PIK3CB: variants seen among roughly 807,000 people sequenced by gnomAD.
PIK3CB encodes the protein phosphatidylinositol-4,5-bisphosphate 3-kinase catalytic subunit beta.
Under a neutral mutation model 136.8 loss-of-function variants are expected in PIK3CB, and 39 were observed. The observed-to-expected ratio is 0.29, with a 90% CI of 0.22 to 0.37. PIK3CB has a LOEUF of 0.37. Ranked by LOEUF, PIK3CB falls within the 10% of genes least tolerant of loss-of-function variation. PIK3CB has a pLI of 1.00. For synonymous variants in PIK3CB, 428 were observed against 436.6 expected (o/e 0.98, Z 0.25); for missense variants, 868 against 1,275.4 (o/e 0.68, Z 4.87).
At chr3:138,752,305 T>C (rs768083292) in intron 4 of PIK3CB, among the ~76,000 whole-genome samples, 2 of 152,246 alleles carry the variant, frequency 1.3e-5, no homozygotes, top group East Asian at 1.9e-4. Flanking sequence ...AAAGGTTCTA[T>C]TGTTTTCTTT....
In PIK3CB at chr3:138,763,193, T is replaced by C. The variant is rs1398830924; in HGVS notation, c.-16-3834A>G. 3.3e-5 allele frequency among the ~76,000 whole-genome samples: 5 copies of C among 150,518 alleles called. No homozygotes were observed. The Admixed American group carries it at 3.3e-4, about 10-fold the overall frequency. ...TCATTCTGTCACCCAGGCTGGAGTG[T>C]AGTGGCATGATCTCAGCTCACTGCA... On this transcript the variant is annotated intron_variant, in intron 2 of 23. Transcript: ENST00000674063.
intron 12 of PIK3CB, among the ~76,000 whole-genome samples, chr3:138,701,267 G>C (rs568448342): frequency 2.0e-5 from 3 of 150,970 alleles, no homozygotes; most frequent in Non-Finnish European, 2.9e-5. Flanking sequence ...GAACTGTTTC[G>C]GACTGAAGGA....
chr3:138,771,323 T>C (rs904837751), intron 2 of PIK3CB, among the ~76,000 whole-genome samples: 4 of 150,200 alleles, frequency 2.7e-5, no homozygotes. Context: ...CCCGGGATCA[T>C]GCCATTCTCC....
chr3:138,823,047 C>T (rs1414310345), intron 1 of PIK3CB, among the ~76,000 whole-genome samples: 1 of 150,474 alleles, frequency 6.6e-6, no homozygotes, highest in African/African-American at 2.4e-5. Context: ...TGCAGAAAAA[C>T]GTTTTAGTTA....
intron 2 of PIK3CB, among the ~76,000 whole-genome samples, chr3:138,780,523 C>G (rs1181978795): frequency 6.6e-6 from 1 of 152,150 alleles, no homozygotes; most frequent in African/African-American, 2.4e-5. Context: ...CCCACCTTGG[C>G]CTCCCAAAGT....
chr3:138,775,690 TGGGA>T (rs2045850013), intron 2 of PIK3CB, among the ~76,000 whole-genome samples: 1 of 152,146 alleles, frequency 6.6e-6, no homozygotes, highest in Admixed American at 6.6e-5. Context: ...CTGTGCATAA[TGGGA>T]TGAGTACTGG....
At chr3:138,732,017 A>G (rs957354293) in intron 8 of PIK3CB, among the ~76,000 whole-genome samples, 2 of 152,114 alleles carry the variant, frequency 1.3e-5, no homozygotes, top group Non-Finnish European at 2.9e-5. Context: ...TGAGGATATA[A>G]AAGCAAAGCC....
At chr3:138,693,937 ATATATATATATATATATATATATATATAT>A (rs752169030) in intron 14 of PIK3CB, among the ~76,000 whole-genome samples, 6,763 of 27,856 alleles carry the variant, frequency 0.24, 485 homozygotes, top group East Asian at 0.51. Context: ...TTTGCTTAAA[ATATATATATATATATATATATATATATAT>A]TATATATATA....
At chr3:138,784,628 G>T (rs535165397) in intron 2 of PIK3CB, among the ~76,000 whole-genome samples, 1 of 152,110 alleles carries the variant, frequency 6.6e-6, no homozygotes, top group Non-Finnish European at 1.5e-5. Flanking sequence ...ACGGGGTTTC[G>T]CCCTGTTGGC....
At chr3:138,817,747 G>A (rs1933397606) in intron 1 of PIK3CB, among the ~76,000 whole-genome samples, 1 of 152,126 alleles carries the variant, frequency 6.6e-6, no homozygotes, top group African/African-American at 2.4e-5. Flanking sequence ...GGGCCAGAAT[G>A]TATAGGAAGT....
intron 19 of PIK3CB, among the ~76,000 whole-genome samples, chr3:138,669,128 T>G (rs975509432): frequency 2.0e-5 from 3 of 152,104 alleles, no homozygotes; most frequent in Non-Finnish European, 4.4e-5. Context: ...AAAAGGGAAG[T>G]AGGCCAGGTG....
At chr3:138,750,480 C>T (rs932055667) in intron 4 of PIK3CB, among the ~76,000 whole-genome samples, 2 of 152,124 alleles carry the variant, frequency 1.3e-5, no homozygotes, top group South Asian at 2.1e-4. Flanking sequence ...TAGGATTCTT[C>T]GCATTCAAGC....
At chr3:138,811,545 C>T (rs994156162) in intron 1 of PIK3CB, among the ~76,000 whole-genome samples, 1 of 151,522 alleles carries the variant, frequency 6.6e-6, no homozygotes, top group Admixed American at 6.6e-5. Flanking sequence ...CCTGCCTCAG[C>T]CTCCTGAGTA....
Position 138,744,108 on chromosome 3 carries a change from T to C in PIK3CB, c.398-1327A>G, listed in dbSNP as rs548312677. Among the ~76,000 whole-genome samples, 23 of 151,958 alleles carry C rather than the reference T, an allele frequency of 1.5e-4. No individual in the cohort carries two copies. In the South Asian group the frequency reaches 2.9e-3, roughly 19 times the overall value. The stretch of plus-strand genomic sequence containing the variant: ...TTACTATTTATTAAGAGGAAGTGGA[T>C]TGGTCGGGCGCAGTGGCTCACGCCT... On this transcript the variant is annotated intron_variant, in intron 4 of 23. Coordinates refer to ENST00000674063, the MANE Select transcript of PIK3CB (RefSeq NM_006219.3).
chr3:138,689,201 T>C (rs745403136), intron 15 of PIK3CB, among the ~76,000 whole-genome samples: 5 of 151,926 alleles, frequency 3.3e-5, no homozygotes, highest in African/African-American at 9.7e-5. Flanking sequence ...ACCCACCGGG[T>C]TCAAGCTTGC....
chr3:138,750,850 T>C (rs1195361535), intron 4 of PIK3CB, among the ~76,000 whole-genome samples: 1 of 152,180 alleles, frequency 6.6e-6, no homozygotes, highest in East Asian at 1.9e-4. Context: ...AGTTAATACA[T>C]TGCAATAAAA....
chr3:138,747,355 G>C (rs1013984350), intron 4 of PIK3CB, among the ~76,000 whole-genome samples: 20 of 151,792 alleles, frequency 1.3e-4, no homozygotes, highest in African/African-American at 4.6e-4. Context: ...AACTCGGAGA[G>C]ATCCCTTTTT....
chr3:138,775,198 G>C (rs1459698140), intron 2 of PIK3CB, among the ~76,000 whole-genome samples: 6 of 152,212 alleles, frequency 3.9e-5, no homozygotes, highest in Non-Finnish European at 1.5e-5. Flanking sequence ...AGAGTCCAGA[G>C]AGGCAGGCTG....
intron 1 of PIK3CB, among the ~76,000 whole-genome samples, chr3:138,829,545 CA>C (rs1933934590): frequency 6.6e-6 from 1 of 152,046 alleles, no homozygotes; most frequent in African/African-American, 2.4e-5. Context: ...GAGGATGAGA[CA>C]AAGGGATAAA....
Sources: gnomAD v4.1 joint callset for allele counts (sites outside exome capture counted in the v4.1 genomes callset) on GRCh38, gnomAD v4.1.1 for gene constraint, MANE v1.5 for transcripts, NCBI Gene and HGNC (gene_info 2026-07-23, HGNC 2026-07-21) for gene names.